Variants in WASF2 observed in about 807,000 individuals in gnomAD.
WASF2 encodes the protein WASP family member 2.
A neutral mutation model predicts 45.0 loss-of-function variants in WASF2; 14 were observed. The ratio of observed to expected loss-of-function variants is 0.31; its 90% CI spans 0.21 to 0.49. WASF2 has a LOEUF of 0.49. Among genes scored for constraint, WASF2 ranks in the 20% least tolerant of loss-of-function variants. WASF2 has a pLI of 0.99. For synonymous variants in WASF2, 200 were observed against 236.3 expected, an observed-to-expected ratio of 0.85 and a Z score of 1.41; for missense variants, 439 against 636.1, an observed-to-expected ratio of 0.69 and a Z score of 3.33.
At chr1:27,431,290 C>T (rs1310824846) in intron 1 of WASF2, among the ~76,000 whole-genome samples, 1 of 152,092 alleles carries the variant, frequency 6.6e-6, no homozygotes, top group Non-Finnish European at 1.5e-5. Context: ...AGTCCAAACC[C>T]TGGACTTTCC....
At chr1:27,463,288 T>C (rs1203682072) in intron 1 of WASF2, among the ~76,000 whole-genome samples, 1 of 152,200 alleles carries the variant, frequency 6.6e-6, no homozygotes, top group Admixed American at 6.5e-5. Context: ...TATTTTAACT[T>C]TTTCTTAGAA....
chr1:27,488,572 G>T (rs188299954), intron 1 of WASF2, among the ~76,000 whole-genome samples: 14 of 152,248 alleles, frequency 9.2e-5, no homozygotes, highest in Admixed American at 8.5e-4. Flanking sequence ...GGATTCAAAT[G>T]GAGCTCTCTG....
chr1:27,447,162 TTAAGA>T (rs1557609355), intron 1 of WASF2, among the ~76,000 whole-genome samples: 1 of 152,192 alleles, frequency 6.6e-6, no homozygotes, highest in African/African-American at 2.4e-5. Context: ...GAGTATTATT[TTAAGA>T]TATGAGTATT....
chr1:27,485,980 G>A (rs2148147839), intron 1 of WASF2, among the ~76,000 whole-genome samples: 1 of 152,310 alleles, frequency 6.6e-6, no homozygotes, highest in African/African-American at 2.4e-5. Context: ...AGAGTGCTGG[G>A]ATTACAGGCT....
At chr1:27,453,051 C>CA (rs1199977476) in intron 1 of WASF2, among the ~76,000 whole-genome samples, 2 of 149,350 alleles carry the variant, frequency 1.3e-5, no homozygotes, top group African/African-American at 4.9e-5. Flanking sequence ...ACTAAAAATA[C>CA]AAAAAATTAC....
chr1:27,467,234 C>A (rs1322824650), intron 1 of WASF2, among the ~76,000 whole-genome samples: 1 of 144,906 alleles, frequency 6.9e-6, no homozygotes, highest in African/African-American at 2.6e-5. Flanking sequence ...AAAAAAAAAC[C>A]AAAACACACA....
chr1:27,431,127 A>G (rs981012511), intron 1 of WASF2, among the ~76,000 whole-genome samples: 12 of 152,212 alleles, frequency 7.9e-5, no homozygotes, highest in Non-Finnish European at 1.3e-4. Context: ...CTGTTTGCTT[A>G]TAACTTTGAA....
intron 1 of WASF2, among the ~76,000 whole-genome samples, chr1:27,478,544 G>A (rs1425852895): frequency 2.0e-5 from 3 of 152,152 alleles, no homozygotes; most frequent in African/African-American, 4.8e-5. Flanking sequence ...AAGGGGAACT[G>A]GAAGGAGGGA....
At chr1:27,428,600 C>T (rs762769199) in intron 2 of WASF2, among the ~76,000 whole-genome samples, 161 bp downstream of exon 2, 1 of 152,118 alleles carries the variant, frequency 6.6e-6, no homozygotes, top group Admixed American at 6.6e-5. Flanking sequence ...AGAAGCTACA[C>T]CAAAAGGGAG....
intron 7 of WASF2, among the ~76,000 whole-genome samples, chr1:27,411,216 G>T (rs1301666452): frequency 3.3e-5 from 5 of 152,206 alleles, no homozygotes; most frequent in African/African-American, 4.8e-5. Context: ...AGTACCCAAG[G>T]AGAAAAGTGC....
In WASF2 at chr1:27,471,846, C is replaced by T. The variant is rs1301386483; in HGVS notation, c.-44+18140G>A. 3.3e-5 allele frequency among the ~76,000 whole-genome samples: 5 copies of T among 152,294 alleles called. No individual in the cohort carries two copies. The East Asian group carries it at 7.7e-4, about 23-fold the overall frequency. The stretch of plus-strand genomic sequence containing the variant: ...TTGACCCACAAATTCAACCCATCAA[C>T]AAGCCTTATCAGCTCTACCTCCAAA... On this transcript the variant is annotated intron_variant, in intron 1 of 8. Transcript: ENST00000618852.
chr1:27,412,874 C>G lies in WASF2; in HGVS notation c.669-147G>C, dbSNP rs189517619. The G allele has an allele frequency of 7.1e-4, 630 of 882,654 alleles. 5 individuals are homozygous for G. The African/African-American group carries it at 9.1e-3, about 13-fold the overall frequency. The allele number at this position is 882,654 out of a possible 1,614,324, so 54.7% of individuals were successfully genotyped here. A position where few individuals can be genotyped will look rare whatever the true frequency, so the allele number is the denominator to read the frequency against. ...TATTTCCCACATATTTTCTGTTACACTGAAATTTTATTTTAAGACTAAATA... is the reference window on the plus strand; with the variant it reads ...TATTTCCCACATATTTTCTGTTACAGTGAAATTTTATTTTAAGACTAAATA... On this transcript the variant is annotated intron_variant, in intron 6 of 8. Transcript: ENST00000618852.
chr1:27,489,585 A>G (rs2018001002), intron 1 of WASF2, among the ~76,000 whole-genome samples: 1 of 152,172 alleles, frequency 6.6e-6, no homozygotes, highest in Admixed American at 6.5e-5. Context: ...AACTTGTCCA[A>G]GATCTCAGAC....
At chr1:27,464,454 C>T (rs1449530246) in intron 1 of WASF2, among the ~76,000 whole-genome samples, 1 of 152,016 alleles carries the variant, frequency 6.6e-6, no homozygotes, top group African/African-American at 2.4e-5. Flanking sequence ...TGATATGAAT[C>T]TTACAATTAG....
intron 1 of WASF2, among the ~76,000 whole-genome samples, chr1:27,487,598 A>ATATATATAT (rs1491425908): frequency 6.1e-5 from 6 of 98,620 alleles, no homozygotes; most frequent in African/African-American, 2.6e-4. Context: ...ATTTTATATA[A>ATATATATAT]TATATAATAT....
chr1:27,412,386 T>G (rs1468633521), intron 7 of WASF2, among the ~76,000 whole-genome samples, 186 bp downstream of exon 7: 1 of 152,090 alleles, frequency 6.6e-6, no homozygotes, highest in African/African-American at 2.4e-5. Flanking sequence ...TTTTTGATTT[T>G]TAGTAGGGAT....
At chr1:27,409,151 G>A (rs879651704) in intron 8 of WASF2, among the ~76,000 whole-genome samples, 3 of 152,030 alleles carry the variant, frequency 2.0e-5, no homozygotes, top group African/African-American at 4.8e-5. Flanking sequence ...TTGGCCGGGC[G>A]CGGTGGCTCA....
At chr1:27,483,289 G>C (rs2017877290) in intron 1 of WASF2, among the ~76,000 whole-genome samples, 1 of 152,030 alleles carries the variant, frequency 6.6e-6, no homozygotes, top group African/African-American at 2.4e-5. Context: ...GACCAACACG[G>C]TGAAACCCCA....
intron 2 of WASF2, among the ~76,000 whole-genome samples, chr1:27,421,777 T>C (rs914275802): frequency 2.7e-5 from 4 of 150,314 alleles, no homozygotes; most frequent in African/African-American, 9.8e-5. Flanking sequence ...GATCGCGCCA[T>C]TGCACTCTAG....
Sources: gnomAD v4.1 joint callset for allele counts (sites outside exome capture counted in the v4.1 genomes callset) on GRCh38, gnomAD v4.1.1 for gene constraint, MANE v1.5 for transcripts, NCBI Gene and HGNC (gene_info 2026-07-23, HGNC 2026-07-21) for gene names.